Variants in FGD6 observed in about 807,000 individuals in gnomAD.
The protein encoded by FGD6 is FYVE, RhoGEF and PH domain-containing protein 6.
A neutral mutation model predicts 149.4 loss-of-function variants in FGD6; 90 were observed. The observed-to-expected ratio is 0.60, with a 90% CI of 0.51 to 0.72. The LOEUF (loss-of-function observed/expected upper bound fraction) is 0.72, where lower values mean the gene tolerates loss of function less well. Among genes scored for constraint, FGD6 ranks in the 30% least tolerant of loss-of-function variants. The pLI, the probability that FGD6 is intolerant of heterozygous loss-of-function variation, is 0.00. For synonymous variants in FGD6, 527 were observed against 584.0 expected, an observed-to-expected ratio of 0.90 and a Z score of 1.41; for missense variants, 1,437 against 1,684.8, an observed-to-expected ratio of 0.85 and a Z score of 2.57.
rs547760923 is a variant in FGD6, at chr12:95,119,650, G to C, written c.3083-5949C>G. On this transcript the variant is annotated intron_variant, in intron 8 of 20. Transcript: ENST00000343958. ...ATAAGTAACACTGATTAGCACTGTC[G>C]GCTGGTGTGGTGGCTTACACCTGTA... Among the ~76,000 whole-genome samples, 5 of 152,296 alleles carry C rather than the reference G, an allele frequency of 3.3e-5. No homozygotes were observed. In the South Asian group the frequency reaches 1.0e-3, roughly 32 times the overall value.
At position 95,208,834 on chromosome 12, in the gene FGD6, A is replaced by C. The variant is rs138300131; in HGVS notation, c.2441+9T>G. 8 of 1,606,480 alleles carry C rather than the reference A, an allele frequency of 5.0e-6. No homozygotes were observed. Among genetic ancestry groups the C allele is most frequent in the Non-Finnish European group, 6.0e-6 (7 of 1,175,730 alleles). Reference sequence around the variant, plus strand: ...ATGCATGCAAAAGTGTCTGTCTGGCACCTGTTACCTGGAATGCTGATGTCT... The same window carrying C: ...ATGCATGCAAAAGTGTCTGTCTGGCCCCTGTTACCTGGAATGCTGATGTCT... On this transcript the variant is annotated intron_variant, in intron 2 of 20. Coordinates refer to ENST00000343958, the MANE Select transcript of FGD6 (RefSeq NM_018351.4).
At chr12:95,159,629 G>C (rs1880579819) in intron 3 of FGD6, among the ~76,000 whole-genome samples, 1 of 152,122 alleles carries the variant, frequency 6.6e-6, no homozygotes, top group Non-Finnish European at 1.5e-5. Flanking sequence ...CTTGAACACA[G>C]GAGTTCGAGA....
chr12:95,138,310 G>A (rs1879739949), intron 6 of FGD6, among the ~76,000 whole-genome samples: 1 of 152,082 alleles, frequency 6.6e-6, no homozygotes, highest in Non-Finnish European at 1.5e-5. Context: ...TTGGGAGGCC[G>A]AGACGGGCAG....
At chr12:95,083,030 T>TATATATACACACACACACACAC (rs772685891) in intron 20 of FGD6, among the ~76,000 whole-genome samples, 29 of 56,576 alleles carry the variant, frequency 5.1e-4, no homozygotes, top group South Asian at 2.1e-3. Flanking sequence ...TATATATATA[T>TATATATACACACACACACACAC]ACACACACAT....
At chr12:95,155,850 C>G (rs778460027) in intron 3 of FGD6, among the ~76,000 whole-genome samples, 2 of 152,172 alleles carry the variant, frequency 1.3e-5, no homozygotes. Context: ...GGCAGAAGAA[C>G]ATAAATTGTG....
intron 2 of FGD6, among the ~76,000 whole-genome samples, chr12:95,198,696 A>G (rs555723575): frequency 6.6e-6 from 1 of 152,298 alleles, no homozygotes; most frequent in Admixed American, 6.5e-5. Context: ...TTGGCCTCCC[A>G]AAGTGCTGGG....
At chr12:95,150,864 G>T (rs1880289693) in intron 5 of FGD6, among the ~76,000 whole-genome samples, 1 of 152,068 alleles carries the variant, frequency 6.6e-6, no homozygotes, top group African/African-American at 2.4e-5. Flanking sequence ...ACTTTGGGAG[G>T]CTGAGGTGGG....
intron 3 of FGD6, among the ~76,000 whole-genome samples, chr12:95,164,060 A>AT (rs1322893055): frequency 1.3e-5 from 2 of 152,326 alleles, no homozygotes; most frequent in East Asian, 3.9e-4. Flanking sequence ...CTGTTAAATA[A>AT]CAGCGTCTCC....
intron 8 of FGD6, among the ~76,000 whole-genome samples, chr12:95,130,913 C>A (rs1363781180): frequency 6.6e-6 from 1 of 151,990 alleles, no homozygotes; most frequent in Non-Finnish European, 1.5e-5. Context: ...AAAAGCAAAT[C>A]TTTAGTATTG....
intron 3 of FGD6, among the ~76,000 whole-genome samples, chr12:95,168,023 C>T (rs1880873811): frequency 6.6e-6 from 1 of 151,266 alleles, no homozygotes; most frequent in Admixed American, 6.6e-5. Context: ...TGTTGACAAC[C>T]TGATTTCTTT....
chr12:95,089,812 C>T (rs1359150949), intron 17 of FGD6, 116 bp from the exon 18 acceptor site: 9 of 1,311,760 alleles, frequency 6.9e-6, no homozygotes, highest in Non-Finnish European at 9.5e-6. Flanking sequence ...TAAGAAACAA[C>T]ATTGATAACT....
intron 8 of FGD6, among the ~76,000 whole-genome samples, chr12:95,124,233 A>G (rs928359663): frequency 3.3e-5 from 5 of 152,078 alleles, no homozygotes; most frequent in African/African-American, 1.2e-4. Context: ...TTCTTAGTGG[A>G]TACATTTTCT....
chr12:95,141,100 A>G (rs969982443), intron 6 of FGD6, among the ~76,000 whole-genome samples: 7 of 151,860 alleles, frequency 4.6e-5, no homozygotes, highest in Non-Finnish European at 7.4e-5. Context: ...GCACACGCCT[A>G]TAATCCCAGC....
chr12:95,208,744 CA>C, intron 2 of FGD6, 98 bp downstream of exon 2: 1 of 1,377,144 alleles, frequency 7.3e-7, no homozygotes, highest in Non-Finnish European at 9.8e-7. Context: ...ACTATTCCTT[CA>C]ACCACGTGTT....
At chr12:95,172,781 A>G (rs766457033) in intron 2 of FGD6, 37 bp from the exon 3 acceptor site, 1 of 1,520,498 alleles carries the variant, frequency 6.6e-7, no homozygotes, top group Admixed American at 1.9e-5. Context: ...GTCACCTTCA[A>G]TAATAAGAAG....
At chr12:95,108,692 TGAGTAGGCAGAA>T (rs1164490837) in intron 9 of FGD6, 131 bp from the exon 10 acceptor site, 1 of 987,320 alleles carries the variant, frequency 1.0e-6, no homozygotes, top group Non-Finnish European at 1.5e-6. Context: ...TTATTGACTG[TGAGTAGGCAGAA>T]ATATAAGGTT....
rs1877566945 is a variant in FGD6 at position 95,078,517 on chromosome 12, G to A, written c.*3003C>T. The A allele has an allele frequency of 6.6e-6, 1 of 152,138 alleles. No homozygotes were observed. Among genetic ancestry groups the A allele is most frequent in the Non-Finnish European group, 1.5e-5 (1 of 68,028 alleles). 9.4% of individuals were successfully genotyped at this position (152,138 alleles called of 1,614,324 possible). A position where few individuals can be genotyped will look rare whatever the true frequency, so the allele number is the denominator to read the frequency against. On this transcript the variant is annotated 3_prime_UTR_variant, in exon 21 of 21. Transcript: ENST00000343958. ...AAAACTGTCGCCTTCTCTTTGTTGT[G>A]TCATTACAGCTTTCATGTGAATCAA...
chr12:95,185,839 C>T (rs1881414255), intron 2 of FGD6, among the ~76,000 whole-genome samples: 2 of 152,012 alleles, frequency 1.3e-5, no homozygotes, highest in Non-Finnish European at 1.5e-5. Flanking sequence ...CCAGCCTGGG[C>T]AACAGCGCAA....
rs1878650809 is a variant in FGD6, at chr12:95,107,014, T to G, written c.3357A>C (p.Thr1119=). Residue 1119 remains threonine, a synonymous_variant, in exon 13 of 21, where the codon ACA becomes ACC. Transcript: ENST00000343958. The part of the protein sequence containing the change: ...FFLFNDALLY[T]TPVQSGMYKL... Reference sequence around the variant, plus strand: ...TATACATCCCAGACTGCACTGGTGTTGTATACAGCAGGGCATCATTAAACT... The same window carrying G: ...TATACATCCCAGACTGCACTGGTGTGGTATACAGCAGGGCATCATTAAACT... The G allele has an allele frequency of 6.2e-7, 1 of 1,613,196 alleles. No individual in the cohort carries two copies. The highest frequency in any genetic ancestry group is 2.2e-5 in the East Asian group (1 of 44,804).
Sources: gnomAD v4.1 joint callset for allele counts (sites outside exome capture counted in the v4.1 genomes callset) on GRCh38, gnomAD v4.1.1 for gene constraint, MANE v1.5 for transcripts, NCBI Gene and HGNC (gene_info 2026-07-23, HGNC 2026-07-21) for gene names.